The following CHCHD6 variants were observed in gnomAD, a reference collection of about 807,000 sequenced individuals.
CHCHD6 encodes coiled-coil-helix-coiled-coil-helix domain containing 6, also known as MICOS complex subunit MIC25.
CHCHD6 carries 28 observed loss-of-function variants against 32.3 expected under a neutral mutation model. The observed-to-expected ratio is 0.87, with a 90% CI of 0.64 to 1.19. The LOEUF is 1.19. Among genes scored for constraint, CHCHD6 ranks in the 50% most tolerant of loss-of-function variants. CHCHD6 has a pLI of 0.00. For synonymous variants in CHCHD6, 122 were observed against 117.5 expected (o/e 1.04, Z -0.25); for missense variants, 333 against 307.0 (o/e 1.08, Z -0.63).
At chr3:126,806,957 G>A (rs1429321729) in intron 4 of CHCHD6, among the ~76,000 whole-genome samples, 13 of 147,202 alleles carry the variant, frequency 8.8e-5, no homozygotes, top group Non-Finnish European at 1.5e-4. Context: ...GACAAAAAAC[G>A]AAACACCGCA....
chr3:126,902,005 G>A (rs1253791006), intron 5 of CHCHD6, among the ~76,000 whole-genome samples: 9 of 152,224 alleles, frequency 5.9e-5, no homozygotes, highest in Non-Finnish European at 8.8e-5. Flanking sequence ...ACAGGAACGC[G>A]CAAGTTAAGT....
chr3:126,890,679 G>A (rs1028496917), intron 5 of CHCHD6, among the ~76,000 whole-genome samples: 6 of 152,180 alleles, frequency 3.9e-5, no homozygotes, highest in Admixed American at 6.5e-5. Context: ...ACTGTGCTAG[G>A]TGTTCTCTAA....
At chr3:126,719,834 TG>T in intron 1 of CHCHD6, among the ~76,000 whole-genome samples, 1 of 152,052 alleles carries the variant, frequency 6.6e-6, no homozygotes. Flanking sequence ...TGCCTCTGGA[TG>T]GGGTGCTTCC....
At chr3:126,921,191 CA>C (rs2078241555) in intron 6 of CHCHD6, among the ~76,000 whole-genome samples, 1 of 152,126 alleles carries the variant, frequency 6.6e-6, no homozygotes, top group Non-Finnish European at 1.5e-5. Flanking sequence ...GTTAGGACAC[CA>C]ACCTGTACTG....
intron 5 of CHCHD6, among the ~76,000 whole-genome samples, chr3:126,855,304 AG>A (rs1292865358): frequency 3.9e-5 from 6 of 152,192 alleles, no homozygotes; most frequent in Admixed American, 2.0e-4. Context: ...ACAGCAATTC[AG>A]TCACTGTGCC....
At chr3:126,853,460 C>T (rs1288597992) in intron 5 of CHCHD6, among the ~76,000 whole-genome samples, 1 of 152,136 alleles carries the variant, frequency 6.6e-6, no homozygotes, top group Non-Finnish European at 1.5e-5. Context: ...CAGCTTATTG[C>T]AGGCAAATCT....
intron 5 of CHCHD6, among the ~76,000 whole-genome samples, chr3:126,858,867 G>A (rs1941756273): frequency 6.6e-6 from 1 of 152,244 alleles, no homozygotes; most frequent in Non-Finnish European, 1.5e-5. Flanking sequence ...CATGGGCACA[G>A]AATGAGGGCT....
At chr3:126,709,734 C>G (rs1934667341) in intron 1 of CHCHD6, among the ~76,000 whole-genome samples, 1 of 152,142 alleles carries the variant, frequency 6.6e-6, no homozygotes, top group African/African-American at 2.4e-5. Flanking sequence ...TTGCATTTCC[C>G]TAATAACTAA....
chr3:126,758,049 A>G (rs1237652382), intron 4 of CHCHD6, among the ~76,000 whole-genome samples: 1 of 152,238 alleles, frequency 6.6e-6, no homozygotes, highest in East Asian at 1.9e-4. Context: ...ATTTGGGACC[A>G]GATGAACTCT....
intron 4 of CHCHD6, among the ~76,000 whole-genome samples, chr3:126,795,821 A>G (rs1483150385): frequency 1.3e-5 from 2 of 152,104 alleles, no homozygotes; most frequent in Admixed American, 1.3e-4. Flanking sequence ...CCTAGAGAGA[A>G]CATTCTTGAG....
intron 5 of CHCHD6, among the ~76,000 whole-genome samples, chr3:126,881,699 G>A (rs1277034513): frequency 6.6e-6 from 1 of 152,294 alleles, no homozygotes; most frequent in East Asian, 1.9e-4. Flanking sequence ...TTGGAAGGGT[G>A]GATGGGGCAC....
intron 6 of CHCHD6, among the ~76,000 whole-genome samples, chr3:126,917,319 G>T (rs139663265): frequency 3.3e-4 from 50 of 152,340 alleles, no homozygotes; most frequent in African/African-American, 1.2e-3. Context: ...CGTGGTCACA[G>T]CTGGTTCTGT....
chr3:126,722,744 CTGTGGGT>C (rs1418023773), intron 1 of CHCHD6, among the ~76,000 whole-genome samples: 1 of 152,104 alleles, frequency 6.6e-6, no homozygotes, highest in Non-Finnish European at 1.5e-5. Flanking sequence ...TTCTCCCATT[CTGTGGGT>C]TGTCTTTTCA....
chr3:126,728,992 G>T (rs192133903), intron 2 of CHCHD6, among the ~76,000 whole-genome samples: 4 of 152,176 alleles, frequency 2.6e-5, no homozygotes, highest in Admixed American at 2.0e-4. Flanking sequence ...GTTAGAAAAA[G>T]AAATTAAAAT....
intron 5 of CHCHD6, among the ~76,000 whole-genome samples, chr3:126,903,139 A>G (rs1196255038): frequency 6.6e-6 from 1 of 152,202 alleles, no homozygotes; most frequent in Non-Finnish European, 1.5e-5. Context: ...AGCATCTCCA[A>G]CACTAAGAAA....
intron 6 of CHCHD6, among the ~76,000 whole-genome samples, chr3:126,934,371 G>T (rs1031376660): frequency 6.6e-6 from 1 of 151,902 alleles, no homozygotes; most frequent in Admixed American, 6.6e-5. Context: ...CTACAAACAG[G>T]CCCCTAATTA....
intron 4 of CHCHD6, among the ~76,000 whole-genome samples, chr3:126,759,145 GT>G (rs1937073400): frequency 6.6e-6 from 1 of 152,190 alleles, no homozygotes; most frequent in African/African-American, 2.4e-5. Flanking sequence ...TGGTGTTCTT[GT>G]AATCCAGTGG....
At chr3:126,743,409 T>C (rs775359254) in intron 4 of CHCHD6, among the ~76,000 whole-genome samples, 33 of 152,340 alleles carry the variant, frequency 2.2e-4, no homozygotes, top group Admixed American at 3.9e-4. Context: ...TCAGGCGACC[T>C]CTGCTGTGTG....
At chr3:126,838,635 G>A (rs964512452) in intron 4 of CHCHD6, among the ~76,000 whole-genome samples, 4 of 152,206 alleles carry the variant, frequency 2.6e-5, no homozygotes, top group Non-Finnish European at 4.4e-5. Flanking sequence ...CGGATTCTTG[G>A]TGATAGTTTC....
Sources: allele counts gnomAD v4.1 joint callset (sites outside exome capture counted in the v4.1 genomes callset), GRCh38; gene constraint gnomAD v4.1.1; transcripts MANE v1.5; gene names NCBI Gene and HGNC (gene_info 2026-07-23, HGNC 2026-07-21).